THEMIS: variants seen among roughly 807,000 people sequenced by gnomAD.
THEMIS encodes the protein protein THEMIS.
Under a neutral mutation model 52.6 loss-of-function variants are expected in THEMIS, and 37 were observed. The ratio of observed to expected loss-of-function variants is 0.70; its 90% CI spans 0.54 to 0.93. The LOEUF is 0.93. Among genes scored for constraint, THEMIS ranks in the 40% least tolerant of loss-of-function variants. The probability of loss-of-function intolerance (pLI) is 0.00; values close to 1 mark genes in which losing one functional copy is unlikely to be tolerated. For missense variants in THEMIS, 808 were observed against 763.1 expected (o/e 1.06, Z -0.69); for synonymous variants, 292 against 272.7 (o/e 1.07, Z -0.70).
chr6:127,831,638 T>G (rs2114666797), intron 2 of THEMIS, among the ~76,000 whole-genome samples: 1 of 152,312 alleles, frequency 6.6e-6, no homozygotes, highest in African/African-American at 2.4e-5. Flanking sequence ...GAAGTCATTT[T>G]TACTCATACA....
At chr6:127,747,311 T>C (rs1038990154) in intron 4 of THEMIS, among the ~76,000 whole-genome samples, 2 of 126,838 alleles carry the variant, frequency 1.6e-5, no homozygotes, top group Admixed American at 8.0e-5. Context: ...TGGTATATAA[T>C]TATAAATATC....
intron 4 of THEMIS, among the ~76,000 whole-genome samples, chr6:127,734,270 T>C (rs953021249): frequency 6.6e-6 from 1 of 152,208 alleles, no homozygotes; most frequent in Non-Finnish European, 1.5e-5. Flanking sequence ...TGTGACACTA[T>C]ATTGTTTTAA....
intron 1 of THEMIS, among the ~76,000 whole-genome samples, chr6:127,870,400 A>C (rs1490260992): frequency 1.3e-5 from 2 of 152,240 alleles, no homozygotes; most frequent in Non-Finnish European, 2.9e-5. Context: ...ACTTGGCAAT[A>C]ATGAGACACT....
chr6:127,836,654 G>A (rs1338840275), intron 2 of THEMIS, among the ~76,000 whole-genome samples: 1 of 152,158 alleles, frequency 6.6e-6, no homozygotes, highest in Non-Finnish European at 1.5e-5. Context: ...AAATTCACCA[G>A]TATATAAAAA....
At chr6:127,891,406 G>A (rs981639588) in intron 1 of THEMIS, among the ~76,000 whole-genome samples, 1 of 151,652 alleles carries the variant, frequency 6.6e-6, no homozygotes. Context: ...CCTGGTGGCG[G>A]GCACCTGTAG....
At chr6:127,799,743 A>G (rs1303027946) in intron 4 of THEMIS, among the ~76,000 whole-genome samples, 2 of 152,136 alleles carry the variant, frequency 1.3e-5, no homozygotes, top group African/African-American at 4.8e-5. Context: ...GGCCAATTAA[A>G]TAAGTGCAAT....
intron 4 of THEMIS, among the ~76,000 whole-genome samples, chr6:127,747,390 T>C (rs1012541089): frequency 2.1e-5 from 3 of 146,066 alleles, no homozygotes; most frequent in Non-Finnish European, 3.0e-5. Flanking sequence ...ATTATAGATA[T>C]AGATTTATCA....
intron 1 of THEMIS, among the ~76,000 whole-genome samples, chr6:127,898,167 T>C (rs1781028973): frequency 6.6e-6 from 1 of 151,744 alleles, no homozygotes; most frequent in Non-Finnish European, 1.5e-5. Flanking sequence ...TTTCTATTTC[T>C]GGACCAGGGT....
chr6:127,882,285 T>G (rs1481979778), intron 1 of THEMIS, among the ~76,000 whole-genome samples: 1 of 151,876 alleles, frequency 6.6e-6, no homozygotes, highest in Admixed American at 6.6e-5. Flanking sequence ...TGTGCTCAAT[T>G]ATTTTGCCCA....
intron 2 of THEMIS, among the ~76,000 whole-genome samples, chr6:127,835,071 T>C (rs1778831557): frequency 6.6e-6 from 1 of 152,200 alleles, no homozygotes; most frequent in Non-Finnish European, 1.5e-5. Context: ...TCATTAGTTC[T>C]GCAGAGCACT....
downstream of THEMIS, among the ~76,000 whole-genome samples, chr6:127,705,468 C>A (rs981059022): frequency 2.0e-5 from 3 of 152,274 alleles, no homozygotes; most frequent in Non-Finnish European, 2.9e-5. Context: ...TCACAAAGAC[C>A]AATGGTGTTT....
chr6:127,904,027 C>T (rs17055110), upstream of THEMIS, among the ~76,000 whole-genome samples: 2,678 of 152,120 alleles, frequency 0.018, 86 homozygotes, highest in African/African-American at 0.061. Flanking sequence ...TCCCTCAAGG[C>T]TTTTATGGGT....
intron 5 of THEMIS, among the ~76,000 whole-genome samples, chr6:127,718,027 T>A (rs1774232045): frequency 6.6e-6 from 1 of 151,870 alleles, no homozygotes; most frequent in South Asian, 2.1e-4. Flanking sequence ...AAATGTTAAG[T>A]ATGGCTCCAG....
At chr6:127,712,448 A>C (rs1248506700) in intron 5 of THEMIS, among the ~76,000 whole-genome samples, 1 of 151,970 alleles carries the variant, frequency 6.6e-6, no homozygotes, top group Non-Finnish European at 1.5e-5. Flanking sequence ...CAAAATGTGC[A>C]AGAAATGTTT....
chr6:127,844,834 G>A (rs940411144), intron 2 of THEMIS, among the ~76,000 whole-genome samples: 1 of 151,766 alleles, frequency 6.6e-6, no homozygotes, highest in Admixed American at 6.6e-5. Flanking sequence ...TGGCAAGATT[G>A]GCATGTTTTC....
At chr6:127,825,329 C>T (rs1778471183) in intron 3 of THEMIS, among the ~76,000 whole-genome samples, 1 of 152,112 alleles carries the variant, frequency 6.6e-6, no homozygotes. Context: ...ACAGACCCAC[C>T]CCAAGTCACA....
chr6:127,702,115 T>C, the THEMIS span, among the ~76,000 whole-genome samples: 3 of 152,148 alleles, frequency 2.0e-5, no homozygotes, highest in Admixed American at 1.3e-4. Context: ...TCTGTTTTTG[T>C]TCATCTATAA....
chr6:127,755,745 A>AATTTCAGT (rs1775800669), intron 4 of THEMIS, among the ~76,000 whole-genome samples: 1 of 152,116 alleles, frequency 6.6e-6, no homozygotes, highest in Admixed American at 6.6e-5. Context: ...AAAAATTAGG[A>AATTTCAGT]ATTTCAGTTG....
chr6:127,741,788 C>T (rs765493898), intron 4 of THEMIS, among the ~76,000 whole-genome samples: 4 of 152,182 alleles, frequency 2.6e-5, no homozygotes, highest in African/African-American at 4.8e-5. Flanking sequence ...TGAGGCTGCT[C>T]AGGCTAGATA....
Sources: gnomAD v4.1 joint callset for allele counts (sites outside exome capture counted in the v4.1 genomes callset) on GRCh38, gnomAD v4.1.1 for gene constraint, MANE v1.5 for transcripts, NCBI Gene and HGNC (gene_info 2026-07-23, HGNC 2026-07-21) for gene names.